The following PRKAR1A variants were observed in gnomAD, a reference collection of about 807,000 sequenced individuals.
The protein encoded by PRKAR1A is cAMP-dependent protein kinase type I-alpha regulatory subunit.
In PRKAR1A, 3 loss-of-function variants were observed where a neutral mutation model predicts 52.0. The observed-to-expected ratio is 0.06, with a 90% CI of 0.03 to 0.15. PRKAR1A has a LOEUF of 0.15. PRKAR1A is among the 10% of genes least tolerant of loss of function. PRKAR1A has a pLI of 1.00. For missense variants in PRKAR1A, 240 were observed against 477.4 expected, an observed-to-expected ratio of 0.50 and a Z score of 4.63; for synonymous variants, 188 against 168.4, an observed-to-expected ratio of 1.12 and a Z score of -0.90.
At chr17:68,450,227 T>G in the PRKAR1A span, among the ~76,000 whole-genome samples, 1 of 152,184 alleles carries the variant, frequency 6.6e-6, no homozygotes, top group South Asian at 2.1e-4. Context: ...CAAGGCTGAA[T>G]AGCAGACCTT....
At chr17:68,475,379 A>G in the PRKAR1A span, among the ~76,000 whole-genome samples, 1 of 152,250 alleles carries the variant, frequency 6.6e-6, no homozygotes, top group African/African-American at 2.4e-5. Flanking sequence ...AAAGAAAGCA[A>G]GCAACAGCAG....
chr17:68,428,908 C>A, the PRKAR1A span: 1 of 1,614,098 alleles, frequency 6.2e-7, no homozygotes, highest in Non-Finnish European at 8.5e-7. Context: ...CTGGATGACG[C>A]AACTAGCAGC....
chr17:68,473,591 C>T, the PRKAR1A span, among the ~76,000 whole-genome samples: 1 of 152,106 alleles, frequency 6.6e-6, no homozygotes, highest in Non-Finnish European at 1.5e-5. Context: ...GGCACGATCT[C>T]AGCTCACTGC....
chr17:68,541,538 C>T, intron 11 of PRKAR1A: 1 of 189,198 alleles, frequency 5.3e-6, no homozygotes, highest in Non-Finnish European at 1.1e-5. Context: ...GGAGTACCTG[C>T]TATGTGCCAG....
At chr17:68,510,723 G>A (rs980698122), upstream of PRKAR1A, among the ~76,000 whole-genome samples, 2 of 152,164 alleles carry the variant, frequency 1.3e-5, no homozygotes. Context: ...CTGGAGAAGG[G>A]CCAATGGTCA....
chr17:68,536,119 G>T (rs1039303819), downstream of PRKAR1A: 9 of 453,984 alleles, frequency 2.0e-5, no homozygotes, highest in Admixed American at 4.7e-5. Context: ...TCATGTGGGG[G>T]TACCACGGGG....
the PRKAR1A span, among the ~76,000 whole-genome samples, chr17:68,452,637 AT>A: frequency 6.6e-6 from 1 of 152,254 alleles, no homozygotes; most frequent in Non-Finnish European, 1.5e-5. Flanking sequence ...GACTGTGCAT[AT>A]AAGCATGTGA....
chr17:68,531,516 C>T lies in PRKAR1A; in HGVS notation c.*1067C>T, dbSNP rs2085975040. 1.9e-6 allele frequency: 2 copies of T among 1,066,218 alleles called. No individual in the cohort carries two copies. The highest frequency in any genetic ancestry group is 5.3e-5 in the Admixed American group (1 of 18,756). The allele number at this position is 1,066,218 out of a possible 1,614,324, so 66.0% of individuals were successfully genotyped here. ...TCGGGAATTTTCCCCGTGACATTCA[C>T]TGGGGCATGAGATTTTGGAAGAAGT... On this transcript the variant is annotated 3_prime_UTR_variant, in exon 11 of 11. Transcript: ENST00000589228.
chr17:68,419,434 A>G, the PRKAR1A span, among the ~76,000 whole-genome samples: 1 of 151,922 alleles, frequency 6.6e-6, no homozygotes, highest in Admixed American at 6.6e-5. Context: ...AAATTAGCCG[A>G]GCGTGGTGGC....
intron 11 of PRKAR1A, chr17:68,539,819 G>T: frequency 6.6e-7 from 1 of 1,506,010 alleles, no homozygotes; most frequent in Non-Finnish European, 9.2e-7. Context: ...TTTCCCCCGA[G>T]CAGCTGGCTG....
At chr17:68,529,560 G>A (rs998066010) in intron 9 of PRKAR1A, among the ~76,000 whole-genome samples, 10 of 152,200 alleles carry the variant, frequency 6.6e-5, no homozygotes, top group Non-Finnish European at 1.3e-4. Flanking sequence ...GGTTTCATTC[G>A]CAAAGTCTCA....
Position 68,531,435 on chromosome 17 carries a change from G to T in PRKAR1A, c.*986G>T, listed in dbSNP as rs1024861538. ...TACAGATGGAGCAAATGTCCTAACA[G>T]AGAAATAGAGGTGATGCTGCTAAAG... is the stretch of plus-strand genomic sequence containing the variant. On this transcript the variant is annotated 3_prime_UTR_variant, in exon 11 of 11. Transcript: ENST00000589228. 3 of 1,066,138 alleles carry T rather than the reference G, an allele frequency of 2.8e-6. No homozygotes were observed. The highest frequency in any genetic ancestry group is 9.1e-5 in the South Asian group (2 of 21,986). 66.0% of individuals were successfully genotyped at this position (1,066,138 alleles called of 1,614,324 possible).
At chr17:68,496,463 T>C in the PRKAR1A span, among the ~76,000 whole-genome samples, 1 of 152,212 alleles carries the variant, frequency 6.6e-6, no homozygotes, top group African/African-American at 2.4e-5. Context: ...ACCGGCCACG[T>C]CCAGATAATC....
At chr17:68,447,759 G>A in the PRKAR1A span, among the ~76,000 whole-genome samples, 11 of 152,150 alleles carry the variant, frequency 7.2e-5, no homozygotes, top group African/African-American at 2.4e-4. Context: ...TTGGGAGGCC[G>A]AGGTGGGTGG....
the PRKAR1A span, among the ~76,000 whole-genome samples, chr17:68,416,212 G>A: frequency 6.6e-5 from 10 of 152,182 alleles, no homozygotes; most frequent in African/African-American, 1.9e-4. Context: ...AGCAGTTCTT[G>A]TAGTGGTGAC....
At chr17:68,513,809 C>G (rs2085346343) in intron 1 of PRKAR1A, among the ~76,000 whole-genome samples, 1 of 151,326 alleles carries the variant, frequency 6.6e-6, no homozygotes, top group Non-Finnish European at 1.5e-5. Context: ...CAAACAAAAA[C>G]ACAGTTTCAC....
intron 11 of PRKAR1A, chr17:68,540,534 C>G (rs1301341085): frequency 4.0e-6 from 2 of 497,586 alleles, no homozygotes; most frequent in South Asian, 3.1e-5. Flanking sequence ...TGTGTACTTT[C>G]TTCCCTTCCT....
intron 11 of PRKAR1A, among the ~76,000 whole-genome samples, chr17:68,548,967 C>G (rs529643858): frequency 1.3e-5 from 2 of 151,856 alleles, no homozygotes. Flanking sequence ...CTCCTGACCT[C>G]GTGATCTGCC....
the PRKAR1A span, among the ~76,000 whole-genome samples, chr17:68,458,940 GTA>G: frequency 9.3e-5 from 14 of 150,844 alleles, no homozygotes; most frequent in South Asian, 2.1e-4. Context: ...TTATGTATGT[GTA>G]TATATATATA....
Sources: allele counts gnomAD v4.1 joint callset (sites outside exome capture counted in the v4.1 genomes callset), GRCh38; gene constraint gnomAD v4.1.1; transcripts MANE v1.5; gene names NCBI Gene and HGNC (gene_info 2026-07-23, HGNC 2026-07-21).